ODAD2: variants seen among roughly 807,000 people sequenced by gnomAD.
ODAD2 encodes outer dynein arm-docking complex subunit 2.
ODAD2 carries 89 observed loss-of-function variants against 106.8 expected under a neutral mutation model. The observed-to-expected ratio is 0.83, with a 90% CI of 0.70 to 0.99. The LOEUF is 0.99. Ranked by LOEUF, ODAD2 falls within the 50% of genes least tolerant of loss-of-function variation. The probability of loss-of-function intolerance (pLI) is 0.00; values close to 1 mark genes in which losing one functional copy is unlikely to be tolerated. For missense variants in ODAD2, 1,168 were observed against 1,238.5 expected (o/e 0.94, Z 0.85); for synonymous variants, 404 against 436.2 (o/e 0.93, Z 0.92).
chr10:27,984,007 G>C (rs755044554), intron 5 of ODAD2, 28 bp from the exon 6 acceptor site: 1 of 1,601,670 alleles, frequency 6.2e-7, no homozygotes, highest in Admixed American at 1.8e-5. Context: ...GCAATTAACA[G>C]GAGTTCCTTA....
intron 17 of ODAD2, among the ~76,000 whole-genome samples, chr10:27,882,288 T>G (rs1488772485): frequency 6.6e-6 from 1 of 152,056 alleles, no homozygotes; most frequent in Non-Finnish European, 1.5e-5. Context: ...AGGGATAGGA[T>G]TCTGGAATAA....
At chr10:27,955,447 T>C (rs928588151) in intron 10 of ODAD2, among the ~76,000 whole-genome samples, 7 of 152,080 alleles carry the variant, frequency 4.6e-5, no homozygotes, top group Admixed American at 4.6e-4. Flanking sequence ...CCAGGCAATG[T>C]GCAATAAAGA....
chr10:27,872,640 T>C (rs1840988344), intron 17 of ODAD2, among the ~76,000 whole-genome samples: 1 of 152,212 alleles, frequency 6.6e-6, no homozygotes, highest in African/African-American at 2.4e-5. Flanking sequence ...TTGGTTCTGT[T>C]TATATGCTGG....
chr10:27,827,895 CT>C (rs1837195219), intron 19 of ODAD2, among the ~76,000 whole-genome samples: 1 of 152,184 alleles, frequency 6.6e-6, no homozygotes, highest in African/African-American at 2.4e-5. Flanking sequence ...TTTAGCTTCT[CT>C]TCTTTTTTCT....
rs41283710 is a variant in ODAD2 at position 27,969,127 on chromosome 10, A to T, written c.1143-109T>A. On this transcript the variant is annotated intron_variant, in intron 8 of 19. Transcript: ENST00000305242. ...TCCGTTATTTCCATGTGCTCAAATG[A>T]TGCGTGTTCCTGACAAGAGTTCCAG... 3.7e-3 allele frequency: 2,454 copies of T among 664,268 alleles called. 37 individuals are homozygous for T. Among genetic ancestry groups the T allele is most frequent in the Non-Finnish European group, 3.0e-3 (1,176 of 386,522 alleles). The allele number at this position is 664,268 out of a possible 1,614,324, so 41.1% of individuals were successfully genotyped here.
intron 8 of ODAD2, among the ~76,000 whole-genome samples, 167 bp from the exon 9 acceptor site, chr10:27,969,185 C>T (rs1161942695): frequency 1.3e-5 from 2 of 152,040 alleles, no homozygotes; most frequent in Non-Finnish European, 2.9e-5. Flanking sequence ...GTCTCTTTCA[C>T]TCTTTCAGCA....
At chr10:27,841,634 G>A (rs1356521662) in intron 19 of ODAD2, among the ~76,000 whole-genome samples, 2 of 152,024 alleles carry the variant, frequency 1.3e-5, no homozygotes, top group African/African-American at 4.8e-5. Flanking sequence ...GACCTCAGGT[G>A]ATCTGCCTGC....
At chr10:27,921,924 T>C (rs1478710064) in intron 16 of ODAD2, among the ~76,000 whole-genome samples, 1 of 151,152 alleles carries the variant, frequency 6.6e-6, no homozygotes, top group Non-Finnish European at 1.5e-5. Flanking sequence ...CCCAGTACTT[T>C]GGGAGGCCAA....
At chr10:27,893,574 C>T (rs2133730667) in intron 17 of ODAD2, among the ~76,000 whole-genome samples, 1 of 145,756 alleles carries the variant, frequency 6.9e-6, no homozygotes, top group African/African-American at 2.5e-5. Context: ...CAAAGTGATG[C>T]CAAATCCTAT....
intron 17 of ODAD2, 74 bp downstream of exon 17, chr10:27,907,589 T>C: frequency 1.0e-6 from 1 of 967,954 alleles, no homozygotes; most frequent in East Asian, 2.5e-5. Flanking sequence ...CAAAAGCAAT[T>C]AGTAACCTGT....
In ODAD2 at chr10:27,924,048, G is replaced by GAAAGAAAGAAAGAA. The variant is rs1554810929; in HGVS notation, c.2495+10961_2495+10962insTTCTTTCTTTCTTT. 5.4e-4 allele frequency among the ~76,000 whole-genome samples: 68 copies of GAAAGAAAGAAAGAA among 126,912 alleles called. 2 individuals carry two copies. The highest frequency in any genetic ancestry group is 1.3e-3 in the South Asian group (5 of 3,926). The allele number at this position is 126,912 out of a possible 152,430, so 83.3% of individuals were successfully genotyped here. A position where few individuals can be genotyped will look rare whatever the true frequency, so the allele number is the denominator to read the frequency against. On this transcript the variant is annotated intron_variant, in intron 16 of 19. Coordinates refer to ENST00000305242, the MANE Select transcript of ODAD2 (RefSeq NM_018076.5). ...AAGGAAAGAGAAAGAAAGAAGGAAA[G>GAAAGAAAGAAAGAA]AGAAAGAAAGAAAGAAAGAAAGAAA...
intron 17 of ODAD2, among the ~76,000 whole-genome samples, chr10:27,889,146 G>A (rs1842408285): frequency 6.6e-6 from 1 of 152,178 alleles, no homozygotes. Context: ...CCACATGAAA[G>A]GAGATAGAAA....
chr10:27,968,137 A>C (rs1168128815), intron 9 of ODAD2, among the ~76,000 whole-genome samples: 1 of 151,904 alleles, frequency 6.6e-6, no homozygotes, highest in Non-Finnish European at 1.5e-5. Context: ...AATGAAAAAA[A>C]TAGAAAGTCT....
At chr10:27,820,677 T>C (rs1836530628) in intron 19 of ODAD2, among the ~76,000 whole-genome samples, 1 of 152,174 alleles carries the variant, frequency 6.6e-6, no homozygotes, top group East Asian at 1.9e-4. Flanking sequence ...GAATTTATTT[T>C]GCCTTAAGTT....
chr10:27,819,223 C>T (rs1836395841), intron 19 of ODAD2, among the ~76,000 whole-genome samples: 1 of 151,880 alleles, frequency 6.6e-6, no homozygotes, highest in East Asian at 1.9e-4. Context: ...TTTACACTGG[C>T]AAGGGCAGAG....
chr10:27,887,428 A>G (rs1038316684), intron 17 of ODAD2, among the ~76,000 whole-genome samples: 6 of 152,008 alleles, frequency 3.9e-5, no homozygotes, highest in Non-Finnish European at 8.8e-5. Context: ...ACAACTAGAG[A>G]GAACATAAAT....
At chr10:27,844,940 C>A (rs1188174524) in intron 19 of ODAD2, among the ~76,000 whole-genome samples, 1 of 152,160 alleles carries the variant, frequency 6.6e-6, no homozygotes, top group Admixed American at 6.6e-5. Flanking sequence ...ATGAAGAAGA[C>A]AAGCAGTCTA....
chr10:27,940,439 T>C, intron 13 of ODAD2, 124 bp downstream of exon 13: 3 of 1,179,638 alleles, frequency 2.5e-6, no homozygotes, highest in South Asian at 1.6e-5. Flanking sequence ...ATCTTCTCTT[T>C]CTCATAGAAT....
intron 17 of ODAD2, among the ~76,000 whole-genome samples, chr10:27,871,297 C>T (rs1840863446): frequency 6.6e-6 from 1 of 152,110 alleles, no homozygotes; most frequent in South Asian, 2.1e-4. Flanking sequence ...GTCTCCCATT[C>T]TGTAGGTTGC....
Sources: allele counts gnomAD v4.1 joint callset (sites outside exome capture counted in the v4.1 genomes callset), GRCh38; gene constraint gnomAD v4.1.1; transcripts MANE v1.5; gene names NCBI Gene and HGNC (gene_info 2026-07-23, HGNC 2026-07-21).